Variants in SFI1 observed in about 807,000 individuals in gnomAD.
SFI1 encodes protein SFI1 homolog.
A neutral mutation model predicts 207.5 loss-of-function variants in SFI1; 195 were observed. The ratio of observed to expected loss-of-function variants is 0.94; its 90% CI spans 0.84 to 1.06. The LOEUF (loss-of-function observed/expected upper bound fraction) is 1.06, where lower values mean the gene tolerates loss of function less well. Among genes scored for constraint, SFI1 ranks in the 50% least tolerant of loss-of-function variants. SFI1 has a pLI of 0.00. For missense variants in SFI1, 1,634 were observed against 1,588.0 expected (o/e 1.03, Z -0.49); for synonymous variants, 630 against 598.9 (o/e 1.05, Z -0.76).
chr22:31,614,053 C>A (rs2070895251), intron 27 of SFI1, 198 bp downstream of exon 27: 3 of 705,680 alleles, frequency 4.3e-6, no homozygotes, highest in Non-Finnish European at 6.6e-6. Context: ...AGTGGGATTT[C>A]CAAACCCTCT....
chr22:31,555,729 A>G (rs1033867709), intron 6 of SFI1, among the ~76,000 whole-genome samples: 4 of 152,214 alleles, frequency 2.6e-5, no homozygotes, highest in Admixed American at 1.3e-4. Context: ...AAGGGCCAGT[A>G]AGTCTGGCTT....
In SFI1 at chr22:31,509,334, A is replaced by G. The variant is rs143916876; in HGVS notation, c.92+958A>G. On this transcript the variant is annotated intron_variant, in intron 2 of 32. Transcript: ENST00000400288. ...CAGCAGTGGCTCAGTCCAAGTCCCA[A>G]TACCTCAAAAATAGGGAAGCCAACA... Among the ~76,000 whole-genome samples, 265 of 152,336 alleles carry G rather than the reference A, an allele frequency of 1.7e-3. 5 individuals carry two copies. The highest frequency in any genetic ancestry group is 5.0e-3 in the African/African-American group (207 of 41,584).
intron 2 of SFI1, among the ~76,000 whole-genome samples, chr22:31,510,991 T>C (rs1344957203): frequency 6.6e-6 from 1 of 152,112 alleles, no homozygotes; most frequent in Non-Finnish European, 1.5e-5. Flanking sequence ...CTCTTTTTTT[T>C]CTTAAACTAA....
intron 7 of SFI1, chr22:31,559,599 G>A: frequency 1.5e-6 from 1 of 669,792 alleles, no homozygotes; most frequent in East Asian, 2.9e-5. Context: ...TGGGTTGACA[G>A]TACACTCATA....
intron 12 of SFI1, among the ~76,000 whole-genome samples, chr22:31,582,388 A>C (rs918151807): frequency 2.0e-5 from 3 of 149,354 alleles, no homozygotes; most frequent in Non-Finnish European, 3.0e-5. Flanking sequence ...GGTAGCTGGG[A>C]CTACAGACGC....
At chr22:31,572,213 C>T (rs1342909518) in intron 8 of SFI1, among the ~76,000 whole-genome samples, 1 of 152,024 alleles carries the variant, frequency 6.6e-6, no homozygotes, top group Non-Finnish European at 1.5e-5. Flanking sequence ...CGATGGTATT[C>T]AGTTGAGAGG....
At position 31,537,505 on chromosome 22, in the gene SFI1, C is replaced by T. The variant is rs576564494; in HGVS notation, c.338+6376C>T. Among the ~76,000 whole-genome samples, 6 of 152,280 alleles carry T rather than the reference C, an allele frequency of 3.9e-5. No homozygotes were observed. The East Asian group carries it at 9.7e-4, about 25-fold the overall frequency. Reference sequence around the variant, plus strand: ...CGCATTATGCTGTTTTTCATGTCTTCGCTCTTCAGTGGTAGGCGGGTGTAG... The same window carrying T: ...CGCATTATGCTGTTTTTCATGTCTTTGCTCTTCAGTGGTAGGCGGGTGTAG... On this transcript the variant is annotated intron_variant, in intron 4 of 32. Coordinates refer to ENST00000400288, the MANE Select transcript of SFI1 (RefSeq NM_001007467.3).
chr22:31,546,982 A>G lies in SFI1; in HGVS notation c.449+11A>G. On this transcript the variant is annotated intron_variant, in intron 5 of 32. Coordinates refer to ENST00000400288, the MANE Select transcript of SFI1 (RefSeq NM_001007467.3). ...TGACTGTCACTACAGGTCAGGTTTC[A>G]TGTTACACTCCTTCAGTTTTACTGA... 6.4e-7 allele frequency: 1 copy of G among 1,558,302 alleles called. No individual in the cohort carries two copies. Among genetic ancestry groups the G allele is most frequent in the African/African-American group, 1.4e-5 (1 of 73,692 alleles).
chr22:31,604,138 G>A (rs2068565463), intron 18 of SFI1, among the ~76,000 whole-genome samples, 171 bp from the exon 19 acceptor site: 2 of 152,194 alleles, frequency 1.3e-5, no homozygotes, highest in African/African-American at 4.8e-5. Context: ...CGCAAATCAA[G>A]CACTTACCTC....
At chr22:31,598,741 A>G (rs1305738795) in intron 15 of SFI1, among the ~76,000 whole-genome samples, 1 of 8,710 alleles carries the variant, frequency 1.1e-4, no homozygotes, top group Non-Finnish European at 2.4e-4. Context: ...TTTTTTTTTG[A>G]TGAGCAGAAG....
intron 4 of SFI1, among the ~76,000 whole-genome samples, chr22:31,545,584 A>AATTTAATTTAATTTAATTTT (rs1412682098): frequency 4.8e-5 from 7 of 144,884 alleles, no homozygotes; most frequent in South Asian, 2.2e-4. Context: ...AATTTAATTT[A>AATTTAATTTAATTTAATTTT]ATTTTATTTT....
rs747967108 is a variant in SFI1 at position 31,613,386 on chromosome 22, AAGG to A, written c.2604_2606del (p.Arg869del). On this transcript the variant is annotated inframe_deletion, in exon 26 of 33. Coordinates refer to ENST00000400288, the MANE Select transcript of SFI1 (RefSeq NM_001007467.3). ...CCACGTGGCTGGCCTTTGTACTGGAAAGGAGGAGAAAGAAGGCGCGGCTGCAGT... is the reference window on the plus strand; with the variant it reads ...CCACGTGGCTGGCCTTTGTACTGGAAAGGAGAAAGAAGGCGCGGCTGCAGT... 24 of 1,611,640 alleles carry A rather than the reference AAGG, an allele frequency of 1.5e-5. No individual in the cohort carries two copies. The highest frequency in any genetic ancestry group is 1.6e-4 in the Middle Eastern group (1 of 6,080).
intron 31 of SFI1, among the ~76,000 whole-genome samples, chr22:31,617,720 CA>C (rs200768810): frequency 4.5e-3 from 569 of 127,198 alleles, no homozygotes; most frequent in African/African-American, 6.3e-3. Flanking sequence ...CACTCCATCT[CA>C]AAAAAAAAAA....
chr22:31,503,167 G>T (rs2054083737), intron 1 of SFI1, among the ~76,000 whole-genome samples: 1 of 151,964 alleles, frequency 6.6e-6, no homozygotes, highest in South Asian at 2.1e-4. Flanking sequence ...GGACAAGTCT[G>T]CTTTTTCATT....
At chr22:31,602,101 AT>A in intron 15 of SFI1, 110 bp from the exon 16 acceptor site, 1 of 914,900 alleles carries the variant, frequency 1.1e-6, no homozygotes, top group Non-Finnish European at 1.8e-6. Flanking sequence ...TTCACCTCTT[AT>A]ACGATAGCAT....
At chr22:31,581,285 T>C (rs1475386720) in intron 12 of SFI1, among the ~76,000 whole-genome samples, 1 of 89,202 alleles carries the variant, frequency 1.1e-5, no homozygotes, top group African/African-American at 3.5e-5. Flanking sequence ...GGCCCAAATA[T>C]ACTTTTTTTT....
chr22:31,567,062 C>T (rs1252734651), intron 8 of SFI1, among the ~76,000 whole-genome samples: 6 of 152,114 alleles, frequency 3.9e-5, no homozygotes, highest in Admixed American at 1.3e-4. Context: ...CCTGCCACCA[C>T]GCCTGGCTAA....
At position 31,497,759 on chromosome 22, in the gene SFI1, T is replaced by A. The variant is rs183833415; in HGVS notation, c.-31+1122T>A. ...ACCACACATCTCTTTACTGAATGTC[T>A]TTACATCATATTTACAGTGTGGTTT... is the stretch of plus-strand genomic sequence containing the variant. On this transcript the variant is annotated intron_variant, in intron 1 of 32. Transcript: ENST00000400288. Among the ~76,000 whole-genome samples, 184 of 152,288 alleles carry A rather than the reference T, an allele frequency of 1.2e-3. 1 individual carries two copies. The highest frequency in any genetic ancestry group is 4.3e-3 in the African/African-American group (177 of 41,548).
chr22:31,529,754 A>G (rs1381624490), intron 3 of SFI1, among the ~76,000 whole-genome samples: 1 of 152,204 alleles, frequency 6.6e-6, no homozygotes, highest in African/African-American at 2.4e-5. Flanking sequence ...TAGTATAGCC[A>G]GCAGTTACTC....
Sources: gnomAD v4.1 joint callset for allele counts (sites outside exome capture counted in the v4.1 genomes callset) on GRCh38, gnomAD v4.1.1 for gene constraint, MANE v1.5 for transcripts, NCBI Gene and HGNC (gene_info 2026-07-23, HGNC 2026-07-21) for gene names.